Variants in LMNB2 observed in about 807,000 individuals in gnomAD.
The protein encoded by LMNB2 is lamin-B2.
LMNB2 carries 17 observed loss-of-function variants against 69.3 expected under a neutral mutation model. That is an observed-to-expected ratio of 0.25 (90% CI 0.17 to 0.37). The LOEUF (loss-of-function observed/expected upper bound fraction) is 0.37. Ranked by LOEUF, LMNB2 falls within the 10% of genes least tolerant of loss-of-function variation. LMNB2 has a pLI of 1.00. For missense variants in LMNB2, 789 were observed against 883.6 expected, an observed-to-expected ratio of 0.89 and a Z score of 1.36; for synonymous variants, 397 against 389.3, an observed-to-expected ratio of 1.02 and a Z score of -0.23.
chr19:2,443,750 CT>C lies in LMNB2; in HGVS notation c.401+653del, dbSNP rs1971924214. ...GTGTTTCATTGGCCTCCTGGCTCCTCTGAATAAATATTCCTTTTGTCATCAT... is the reference window on the plus strand; with the variant it reads ...GTGTTTCATTGGCCTCCTGGCTCCTCGAATAAATATTCCTTTTGTCATCAT... On this transcript the variant is annotated intron_variant, in intron 2 of 11. Coordinates refer to ENST00000325327, the MANE Select transcript of LMNB2 (RefSeq NM_032737.4). The surrounding 1 kb of genome is among the most constrained non-coding windows in gnomAD (Gnocchi z 6.2). 6.6e-6 allele frequency among the ~76,000 whole-genome samples: 1 copy of C among 152,204 alleles called. No individual in the cohort carries two copies. The highest frequency in any genetic ancestry group is 2.4e-5 in the African/African-American group (1 of 41,446).
At chr19:2,431,088 C>G (rs968150460) in intron 11 of LMNB2, 136 bp from the exon 12 acceptor site, 1 of 712,920 alleles carries the variant, frequency 1.4e-6, no homozygotes, top group African/African-American at 1.7e-5. Context: ...GCCTTCCATT[C>G]CACTTCCATG....
chr19:2,434,264 C>A, intron 7 of LMNB2, 31 bp downstream of exon 7: 2 of 1,608,848 alleles, frequency 1.2e-6, no homozygotes, highest in Non-Finnish European at 1.7e-6. Context: ...CCTCCTCACT[C>A]TGTGCTCCCA....
At chr19:2,437,670 G>A (rs932262246) in intron 4 of LMNB2, among the ~76,000 whole-genome samples, 14 of 152,056 alleles carry the variant, frequency 9.2e-5, no homozygotes, top group Non-Finnish European at 1.6e-4. Context: ...GCATGGTGGT[G>A]CACGCCTATA....
Position 2,430,325 on chromosome 19 carries a change from C to T in LMNB2, c.*586G>A, listed in dbSNP as rs926845623. On this transcript the variant is annotated 3_prime_UTR_variant, in exon 12 of 12. Transcript: ENST00000325327. Reference sequence around the variant, plus strand: ...GCCGGTGCGCTGCCAGAACGGGAATCTGGAAGCCCAGGCAGCGGAGTGAAA... The same window carrying T: ...GCCGGTGCGCTGCCAGAACGGGAATTTGGAAGCCCAGGCAGCGGAGTGAAA... 1.7e-5 allele frequency: 3 copies of T among 173,464 alleles called. No individual in the cohort carries two copies. The highest frequency in any genetic ancestry group is 7.2e-5 in the African/African-American group (3 of 41,780). The allele number at this position is 173,464 out of a possible 1,614,324, so 10.7% of individuals were successfully genotyped here. A position where few individuals can be genotyped will look rare whatever the true frequency, so the allele number is the denominator to read the frequency against.
At position 2,430,341 on chromosome 19, in the gene LMNB2, C is replaced by G. The variant is rs1433334680; in HGVS notation, c.*570G>C. 5.8e-6 allele frequency: 1 copy of G among 172,466 alleles called. No individual in the cohort carries two copies. The highest frequency in any genetic ancestry group is 5.4e-5 in the Admixed American group (1 of 18,366). 10.7% of individuals were successfully genotyped at this position (172,466 alleles called of 1,614,324 possible). A position where few individuals can be genotyped will look rare whatever the true frequency, so the allele number is the denominator to read the frequency against. ...AACGGGAATCTGGAAGCCCAGGCAG[C>G]GGAGTGAAAACCCGCCCTGGGGGCC... On this transcript the variant is annotated 3_prime_UTR_variant, in exon 12 of 12. Transcript: ENST00000325327.
intron 2 of LMNB2, among the ~76,000 whole-genome samples, chr19:2,442,039 G>A (rs1971905514): frequency 6.6e-6 from 1 of 152,226 alleles, no homozygotes; most frequent in Admixed American, 6.5e-5. Context: ...TAAGCGCCAG[G>A]TGCTGAGTTA....
chr19:2,455,924 A>T (rs1228420246), intron 1 of LMNB2, among the ~76,000 whole-genome samples: 1 of 132,202 alleles, frequency 7.6e-6, no homozygotes, highest in African/African-American at 2.9e-5. Context: ...TCACTCAGGG[A>T]CCCCTTGAAA....
At chr19:2,440,347 C>T (rs1398670813) in intron 2 of LMNB2, among the ~76,000 whole-genome samples, 3 of 151,744 alleles carry the variant, frequency 2.0e-5, no homozygotes, top group East Asian at 1.9e-4. Flanking sequence ...AGTGCCAGCA[C>T]GCCCAGATAA....
intron 1 of LMNB2, among the ~76,000 whole-genome samples, chr19:2,445,152 G>A (rs1195107223): frequency 6.6e-6 from 1 of 151,826 alleles, no homozygotes; most frequent in Non-Finnish European, 1.5e-5. Context: ...GACCCCACTG[G>A]GCCTGAGAGC....
rs1971853512 is a variant in LMNB2, at chr19:2,438,400, G to A, written c.533C>T (p.Ala178Val). 6.2e-7 allele frequency: 1 copy of A among 1,612,920 alleles called. No individual in the cohort carries two copies. Among genetic ancestry groups the A allele is most frequent in the East Asian group, 2.2e-5 (1 of 44,876 alleles). ...CTTGGCCAGCTGGGCCCGCAGCTCA[G>A]CCACGTCACTCTCCAGGCCGCGCTT... ...SDKRGLESDV[A>V]ELRAQLAKAE... Residue 178 changes from alanine to valine, a missense_variant, in exon 3 of 12, where the codon GCT becomes GTT. Coordinates refer to ENST00000325327, the MANE Select transcript of LMNB2 (RefSeq NM_032737.4).
chr19:2,446,329 G>C (rs1599339197), intron 1 of LMNB2, among the ~76,000 whole-genome samples: 4 of 151,778 alleles, frequency 2.6e-5, no homozygotes, highest in Non-Finnish European at 5.9e-5. Flanking sequence ...ACACCCTCTG[G>C]GCCGCCCAGC....
At chr19:2,431,202 ATCT>A (rs1568200402) in intron 11 of LMNB2, among the ~76,000 whole-genome samples, 2 of 152,174 alleles carry the variant, frequency 1.3e-5, no homozygotes, top group African/African-American at 2.4e-5. Flanking sequence ...TTCTGCACTC[ATCT>A]TCTCCCCAGA....
chr19:2,440,034 C>T (rs1442806976), intron 2 of LMNB2, among the ~76,000 whole-genome samples: 1 of 151,836 alleles, frequency 6.6e-6, no homozygotes, highest in Non-Finnish European at 1.5e-5. Context: ...GCCTGGTCCC[C>T]CAGGGCCTTT....
At position 2,429,665 on chromosome 19, in the gene LMNB2, G is replaced by C. The variant is rs1314221489; in HGVS notation, c.*1246C>G. 6.6e-6 allele frequency: 1 copy of C among 152,478 alleles called. No individual in the cohort carries two copies. Among genetic ancestry groups the C allele is most frequent in the Non-Finnish European group, 1.5e-5 (1 of 68,244 alleles). 9.4% of individuals were successfully genotyped at this position (152,478 alleles called of 1,614,324 possible). A position where few individuals can be genotyped will look rare whatever the true frequency, so the allele number is the denominator to read the frequency against. On this transcript the variant is annotated 3_prime_UTR_variant, in exon 12 of 12. Coordinates refer to ENST00000325327, the MANE Select transcript of LMNB2 (RefSeq NM_032737.4). ...GACTTGAGCTGCACTTTCTGAAGGA[G>C]GCTCTGCCGTCGGAGGGTGCCCCAG...
intron 7 of LMNB2, 69 bp from the exon 8 acceptor site, chr19:2,434,174 C>T (rs1436744827): frequency 5.2e-6 from 8 of 1,542,414 alleles, no homozygotes; most frequent in East Asian, 2.4e-5. Flanking sequence ...CGCAGAGTGG[C>T]GGCCACGGCC....
intron 1 of LMNB2, among the ~76,000 whole-genome samples, chr19:2,450,112 A>ACAT (rs56073853): frequency 6.9e-6 from 1 of 145,612 alleles, no homozygotes; most frequent in Non-Finnish European, 1.5e-5. Flanking sequence ...ATATACATAT[A>ACAT]TATATACACA....
At chr19:2,456,504 G>A (rs1180419927) in intron 1 of LMNB2, among the ~76,000 whole-genome samples, 166 bp downstream of exon 1, 17 of 149,720 alleles carry the variant, frequency 1.1e-4, no homozygotes, top group Non-Finnish European at 8.9e-5. Flanking sequence ...GGACCTGGCC[G>A]AGCTGCACCC....
chr19:2,434,936 G>C (rs757784860), intron 5 of LMNB2, 23 bp from the exon 6 acceptor site: 16 of 1,593,030 alleles, frequency 1.0e-5, no homozygotes, highest in Admixed American at 1.7e-5. Context: ...GGGCGGGTGA[G>C]TGCGGGCGCG....
chr19:2,438,300 A>G lies in LMNB2; in HGVS notation c.559-12T>C, dbSNP rs202237195. ...TGACCGTCCTCGGCCTGGGAGACAC[A>G]GGACAGCGAGCTGGTGTGACAATCT... On this transcript the variant is annotated splice_polypyrimidine_tract_variant and intron_variant, in intron 3 of 11. Coordinates refer to ENST00000325327, the MANE Select transcript of LMNB2 (RefSeq NM_032737.4). 37 of 1,613,916 alleles carry G rather than the reference A, an allele frequency of 2.3e-5. No homozygotes were observed. The East Asian group carries it at 8.0e-4, about 35-fold the overall frequency.
Sources: allele counts gnomAD v4.1 joint callset (sites outside exome capture counted in the v4.1 genomes callset), GRCh38; gene constraint gnomAD v4.1.1; non-coding constraint Gnocchi (gnomAD v3.1); transcripts MANE v1.5; gene names NCBI Gene and HGNC (gene_info 2026-07-23, HGNC 2026-07-21).